WAC: variants seen among roughly 807,000 people sequenced by gnomAD.
WAC encodes the protein WW domain containing adaptor with coiled-coil, also known as WW domain-containing adapter protein with coiled-coil.
In WAC, 11 loss-of-function variants were observed where a neutral mutation model predicts 79.6. The observed-to-expected ratio is 0.14, with a 90% confidence interval of 0.09 to 0.23. The LOEUF is 0.23. Ranked by LOEUF, WAC falls within the 10% of genes least tolerant of loss-of-function variation. The pLI, the probability that WAC is intolerant of heterozygous loss-of-function variation, is 1.00. For synonymous variants in WAC, 304 were observed against 276.9 expected (o/e 1.10, Z -0.97); for missense variants, 728 against 773.5 (o/e 0.94, Z 0.70).
Position 28,619,714 on chromosome 10 carries a change from C to A in WAC, c.*108C>A. ...GTAGACTTTGGACCGTTAAGCTGGG[C>A]AAAGGAAATGACAAGGGGACGGGGT... On this transcript the variant is annotated 3_prime_UTR_variant, in exon 14 of 14. Transcript: ENST00000354911. The A allele has an allele frequency of 2.4e-6, 2 of 844,074 alleles. No homozygotes were observed. Among genetic ancestry groups the A allele is most frequent in the Non-Finnish European group, 3.5e-6 (2 of 570,250 alleles). The allele number at this position is 844,074 out of a possible 1,614,324, so 52.3% of individuals were successfully genotyped here.
chr10:28,545,651 A>G (rs1837313151), intron 3 of WAC, among the ~76,000 whole-genome samples: 2 of 152,164 alleles, frequency 1.3e-5, no homozygotes. Context: ...TATTTGGCAA[A>G]TTGTGTAATG....
intron 3 of WAC, among the ~76,000 whole-genome samples, chr10:28,559,705 A>G (rs1838200874): frequency 6.6e-6 from 1 of 152,244 alleles, no homozygotes; most frequent in Non-Finnish European, 1.5e-5. Context: ...TAAGGTGTCC[A>G]GCATATCATT....
intron 6 of WAC, chr10:28,591,787 A>G (rs2132682470): frequency 6.9e-6 from 1 of 145,214 alleles, no homozygotes; most frequent in Non-Finnish European, 1.5e-5. Flanking sequence ...TTTGGCTATG[A>G]TCTTGCCACT....
At chr10:28,544,037 C>T (rs1837210033) in intron 3 of WAC, among the ~76,000 whole-genome samples, 2 of 152,262 alleles carry the variant, frequency 1.3e-5, no homozygotes, top group South Asian at 2.1e-4. Context: ...TGCGCACTGC[C>T]ACGCCCAGCT....
Position 28,619,523 on chromosome 10 carries a change from CTTT to C in WAC, c.1875-6_1875-4del, listed in dbSNP as rs372119062. Reference sequence around the variant, plus strand: ...ATATGTACACAGGTTCTAATGTCTGCTTTTTTTTTTCAGGATACTATTTTTGAG... The same window carrying C: ...ATATGTACACAGGTTCTAATGTCTGCTTTTTTTCAGGATACTATTTTTGAG... On this transcript the variant is annotated splice_polypyrimidine_tract_variant and intron_variant, in intron 13 of 13. Transcript: ENST00000354911. 2 of 1,336,300 alleles carry C rather than the reference CTTT, an allele frequency of 1.5e-6. No individual in the cohort carries two copies. Among genetic ancestry groups the C allele is most frequent in the South Asian group, 1.4e-5 (1 of 69,260 alleles). 82.8% of individuals were successfully genotyped at this position (1,336,300 alleles called of 1,614,324 possible). A position where few individuals can be genotyped will look rare whatever the true frequency, so the allele number is the denominator to read the frequency against.
chr10:28,538,632 G>A (rs1170893973), intron 3 of WAC, among the ~76,000 whole-genome samples: 1 of 148,788 alleles, frequency 6.7e-6, no homozygotes, highest in Non-Finnish European at 1.5e-5. Context: ...GCTCATCTCT[G>A]TAATGCTGGT....
At position 28,622,426 on chromosome 10, in the gene WAC, C is replaced by CT. The variant is rs1841726696; in HGVS notation, c.*2820_*2821insT. On this transcript the variant is annotated 3_prime_UTR_variant, in exon 14 of 14. Coordinates refer to ENST00000354911, the MANE Select transcript of WAC (RefSeq NM_016628.5). ...CTTGAGTGGCCTTTCCCTCCCCCTGCCCCCCCCCCCCCCCCCCCGTTTTAA... is the reference window on the plus strand; with the variant it reads ...CTTGAGTGGCCTTTCCCTCCCCCTGCTCCCCCCCCCCCCCCCCCCGTTTTAA... 4.3e-4 allele frequency: 1 copy of CT among 2,300 alleles called. No individual in the cohort carries two copies. The highest frequency in any genetic ancestry group is 3.5e-3 in the Non-Finnish European group (1 of 284). The allele number at this position is 2,300 out of a possible 1,614,324, so 0.1% of individuals were successfully genotyped here. A position where few individuals can be genotyped will look rare whatever the true frequency, so the allele number is the denominator to read the frequency against.
intron 3 of WAC, among the ~76,000 whole-genome samples, chr10:28,580,507 C>G (rs112408482): frequency 5.9e-5 from 9 of 152,240 alleles, no homozygotes; most frequent in African/African-American, 1.9e-4. Flanking sequence ...ACATACTGTT[C>G]AAGAATGTGT....
At chr10:28,540,877 G>GTT (rs767955507) in intron 3 of WAC, among the ~76,000 whole-genome samples, 4 of 148,400 alleles carry the variant, frequency 2.7e-5, no homozygotes, top group Admixed American at 2.0e-4. Context: ...ACTCTTCATT[G>GTT]TTTTTTTTTT....
chr10:28,593,778 A>G (rs1043414696), intron 6 of WAC, among the ~76,000 whole-genome samples: 1 of 152,066 alleles, frequency 6.6e-6, no homozygotes. Context: ...ATTCTCCACA[A>G]CTTGATACTG....
At chr10:28,574,271 C>A (rs1316509830) in intron 3 of WAC, among the ~76,000 whole-genome samples, 1 of 152,132 alleles carries the variant, frequency 6.6e-6, no homozygotes, top group Non-Finnish European at 1.5e-5. Context: ...CCTCTGCCTC[C>A]CAAGTAGCTG....
chr10:28,598,615 T>C (rs1840491659), intron 7 of WAC, among the ~76,000 whole-genome samples: 1 of 152,234 alleles, frequency 6.6e-6, no homozygotes, highest in African/African-American at 2.4e-5. Flanking sequence ...GGGAAGGTAA[T>C]ATCTCTTATC....
At position 28,611,256 on chromosome 10, in the gene WAC, T is replaced by G. The variant is rs1841225633; in HGVS notation, c.1288+435T>G. 6.2e-6 allele frequency: 8 copies of G among 1,292,714 alleles called. No homozygotes were observed. The African/African-American group carries it at 7.6e-5, about 12-fold the overall frequency. The allele number at this position is 1,292,714 out of a possible 1,614,324, so 80.1% of individuals were successfully genotyped here. ...TGCTCATTTTCTGCCTTGAATTAGA[T>G]ATCCCTCTTCATGAAGGTATCCAAA... On this transcript the variant is annotated intron_variant, in intron 9 of 13. Transcript: ENST00000354911.
intron 3 of WAC, among the ~76,000 whole-genome samples, chr10:28,540,356 T>C (rs935541719): frequency 6.6e-6 from 1 of 152,196 alleles, no homozygotes; most frequent in Non-Finnish European, 1.5e-5. Flanking sequence ...AAAGCTTATT[T>C]GGTGGTGGTT....
rs1841691578 is a variant in WAC at position 28,621,499 on chromosome 10, A to G, written c.*1893A>G. On this transcript the variant is annotated 3_prime_UTR_variant, in exon 14 of 14. Coordinates refer to ENST00000354911, the MANE Select transcript of WAC (RefSeq NM_016628.5). ...TAATTAAAAGGAATTAAAATCTTGAAGATATTTTCCTGTAATTTAAGGATA... is the reference window on the plus strand; with the variant it reads ...TAATTAAAAGGAATTAAAATCTTGAGGATATTTTCCTGTAATTTAAGGATA... 6.6e-6 allele frequency: 1 copy of G among 152,206 alleles called. No homozygotes were observed. Among genetic ancestry groups the G allele is most frequent in the Non-Finnish European group, 1.5e-5 (1 of 68,034 alleles). 9.4% of individuals were successfully genotyped at this position (152,206 alleles called of 1,614,324 possible). A position where few individuals can be genotyped will look rare whatever the true frequency, so the allele number is the denominator to read the frequency against.
At chr10:28,539,669 C>T (rs1836895378) in intron 3 of WAC, among the ~76,000 whole-genome samples, 1 of 151,876 alleles carries the variant, frequency 6.6e-6, no homozygotes, top group East Asian at 1.9e-4. Flanking sequence ...AGCGATCCTT[C>T]TGCCTTAATG....
Position 28,608,448 on chromosome 10 carries a change from GTTTTTTAAAAA to G in WAC, c.1165+21_1165+31del. 6.4e-7 allele frequency: 1 copy of G among 1,552,750 alleles called. No individual in the cohort carries two copies. The highest frequency in any genetic ancestry group is 8.7e-7 in the Non-Finnish European group (1 of 1,148,196). ...TAAATGAAGGTAAATCTTCATAACA[GTTTTTTAAAAA>G]TTTATTTGCATTGTGCAAAGTTATG... On this transcript the variant is annotated intron_variant, in intron 8 of 13. Transcript: ENST00000354911.
intron 7 of WAC, among the ~76,000 whole-genome samples, chr10:28,607,122 G>A (rs1045891190): frequency 5.9e-5 from 9 of 152,050 alleles, no homozygotes; most frequent in Admixed American, 1.3e-4. Context: ...CTATTTTGAC[G>A]TATAGAAATT....
chr10:28,619,458 A>G (rs915600240), intron 13 of WAC, 79 bp from the exon 14 acceptor site: 1 of 1,090,832 alleles, frequency 9.2e-7, no homozygotes. Flanking sequence ...TAATTTAAAA[A>G]ATTTTAATTA....
Sources: allele counts gnomAD v4.1 joint callset (sites outside exome capture counted in the v4.1 genomes callset), GRCh38; gene constraint gnomAD v4.1.1; transcripts MANE v1.5; gene names NCBI Gene and HGNC (gene_info 2026-07-23, HGNC 2026-07-21).